DLG2: variants seen among roughly 807,000 people sequenced by gnomAD.
DLG2 encodes discs large MAGUK scaffold protein 2, also known as disks large homolog 2.
Under a neutral mutation model 132.5 loss-of-function variants are expected in DLG2, and 45 were observed. The observed-to-expected ratio is 0.34, with a 90% CI of 0.27 to 0.44. The LOEUF is 0.44. DLG2 is among the 20% of genes least tolerant of loss of function. The pLI, the probability that DLG2 is intolerant of heterozygous loss-of-function variation, is 1.00. For missense variants in DLG2, 1,045 were observed against 1,196.9 expected (o/e 0.87, Z 1.87); for synonymous variants, 424 against 419.6 (o/e 1.01, Z -0.13).
At chr11:84,955,089 A>G (rs749996587) in intron 6 of DLG2, among the ~76,000 whole-genome samples, 13 of 152,220 alleles carry the variant, frequency 8.5e-5, no homozygotes, top group Non-Finnish European at 1.9e-4. Flanking sequence ...ACAAAAACAA[A>G]TGGCAAGCTA....
intron 6 of DLG2, among the ~76,000 whole-genome samples, chr11:84,726,911 G>C (rs1003689850): frequency 1.3e-5 from 2 of 152,200 alleles, no homozygotes; most frequent in East Asian, 1.9e-4. Context: ...CTTTTGAGAA[G>C]TGTCTGCTTA....
chr11:84,371,315 C>A (rs1213953575), intron 7 of DLG2, among the ~76,000 whole-genome samples: 1 of 150,048 alleles, frequency 6.7e-6, no homozygotes, highest in African/African-American at 2.5e-5. Context: ...AACAGTGGCA[C>A]AACCATGGTT....
intron 18 of DLG2, chr11:83,724,943 C>T (rs188864810): frequency 1.0e-4 from 73 of 702,270 alleles, no homozygotes; most frequent in Non-Finnish European, 8.6e-5. Context: ...CCTGGTTGAG[C>T]TGCTTGGTGT....
intron 15 of DLG2, among the ~76,000 whole-genome samples, chr11:83,901,003 A>T (rs2073251387): frequency 6.6e-6 from 1 of 152,208 alleles, no homozygotes; most frequent in Non-Finnish European, 1.5e-5. Flanking sequence ...TGGATGTGAG[A>T]CATGGAGTCA....
intron 9 of DLG2, among the ~76,000 whole-genome samples, chr11:84,129,687 G>A (rs955728945): frequency 2.6e-5 from 4 of 151,296 alleles, no homozygotes; most frequent in Non-Finnish European, 5.9e-5. Context: ...TTTTTACATT[G>A]TATTAGAGAC....
At chr11:85,001,136 G>A (rs1210021214) in intron 6 of DLG2, among the ~76,000 whole-genome samples, 2 of 151,396 alleles carry the variant, frequency 1.3e-5, no homozygotes, top group South Asian at 2.1e-4. Context: ...CTCTGGCACC[G>A]AGACTAGAGG....
intron 3 of DLG2, among the ~76,000 whole-genome samples, chr11:85,515,988 A>T (rs2094161608): frequency 6.6e-6 from 1 of 152,028 alleles, no homozygotes; most frequent in Non-Finnish European, 1.5e-5. Flanking sequence ...AAATTCTGTA[A>T]TTCACAGAGT....
intron 17 of DLG2, among the ~76,000 whole-genome samples, chr11:83,816,695 T>C (rs889369915): frequency 2.0e-5 from 3 of 152,150 alleles, no homozygotes; most frequent in Admixed American, 6.5e-5. Context: ...ATCCCAAACA[T>C]AAGATTATAT....
In DLG2 at chr11:85,408,657, T is replaced by C. The variant is rs573302715; in HGVS notation, c.41-123292A>G. ...TGAGAACATGCGGTGTTTGGTTTTTTGTTCTTGCGATAGTTTACTGAGAAT... is the reference window on the plus strand; with the variant it reads ...TGAGAACATGCGGTGTTTGGTTTTTCGTTCTTGCGATAGTTTACTGAGAAT... On this transcript the variant is annotated intron_variant, in intron 3 of 27. Coordinates refer to ENST00000376104, the MANE Select transcript of DLG2 (RefSeq NM_001142699.3). Among the ~76,000 whole-genome samples the C allele has an allele frequency of 1.8e-3, 266 of 151,120 alleles. 1 individual carries two copies. The highest frequency in any genetic ancestry group is 6.3e-3 in the African/African-American group (258 of 41,188).
intron 11 of DLG2, among the ~76,000 whole-genome samples, chr11:83,988,932 T>C (rs1274017888): frequency 1.4e-5 from 2 of 139,612 alleles, no homozygotes; most frequent in Non-Finnish European, 3.1e-5. Context: ...ATGTTCTGTC[T>C]CCTTGGTGAA....
chr11:83,682,430 G>C (rs2078992063), intron 18 of DLG2: 1 of 985,238 alleles, frequency 1.0e-6, no homozygotes, highest in African/African-American at 1.7e-5. Flanking sequence ...AAATATATCA[G>C]CCTTAGAAGC....
At position 85,115,957 on chromosome 11, in the gene DLG2, G is replaced by A. The variant is rs180855672; in HGVS notation, c.283-4222C>T. 5.3e-5 allele frequency among the ~76,000 whole-genome samples: 8 copies of A among 152,024 alleles called. No individual in the cohort carries two copies. The East Asian group carries it at 9.7e-4, about 18-fold the overall frequency. ...TCCTACCAGGAAGTGGACATGGAAG[G>A]ACCCAGATCTGATCCTGTAAAACAC... is the stretch of plus-strand genomic sequence containing the variant. On this transcript the variant is annotated intron_variant, in intron 5 of 27. Coordinates refer to ENST00000376104, the MANE Select transcript of DLG2 (RefSeq NM_001142699.3).
chr11:84,762,397 C>G (rs2067757104), intron 6 of DLG2, among the ~76,000 whole-genome samples: 1 of 152,166 alleles, frequency 6.6e-6, no homozygotes, highest in African/African-American at 2.4e-5. Flanking sequence ...AATCTGTGTA[C>G]AGTAGTTGTT....
chr11:84,307,371 G>A (rs1301891627), intron 7 of DLG2, among the ~76,000 whole-genome samples: 1 of 152,116 alleles, frequency 6.6e-6, no homozygotes, highest in Admixed American at 6.5e-5. Context: ...AAGAAGGTGA[G>A]GACTGAAAAA....
chr11:84,490,391 T>C (rs1462771064), intron 7 of DLG2, among the ~76,000 whole-genome samples: 1 of 152,126 alleles, frequency 6.6e-6, no homozygotes, highest in Non-Finnish European at 1.5e-5. Context: ...TCCCAGCTTC[T>C]AAATTCCATT....
chr11:84,411,620 G>A (rs2098904513), intron 7 of DLG2, among the ~76,000 whole-genome samples: 1 of 151,858 alleles, frequency 6.6e-6, no homozygotes, highest in Admixed American at 6.6e-5. Flanking sequence ...AGTAAGAGGT[G>A]GATGGTAGTA....
At chr11:85,297,719 GA>G in intron 3 of DLG2, among the ~76,000 whole-genome samples, 1 of 152,076 alleles carries the variant, frequency 6.6e-6, no homozygotes, top group Non-Finnish European at 1.5e-5. Flanking sequence ...GGTGGTGAAG[GA>G]GTTTGGAGAA....
At chr11:84,623,603 A>C (rs1452144129) in intron 6 of DLG2, among the ~76,000 whole-genome samples, 1 of 152,208 alleles carries the variant, frequency 6.6e-6, no homozygotes, top group Non-Finnish European at 1.5e-5. Flanking sequence ...CTCATGGTCT[A>C]AACTCTGTAC....
At chr11:85,420,242 G>C (rs1432110864) in intron 3 of DLG2, among the ~76,000 whole-genome samples, 2 of 152,116 alleles carry the variant, frequency 1.3e-5, no homozygotes, top group East Asian at 1.9e-4. Flanking sequence ...GACCATGTTT[G>C]CCTAGGTATC....
Sources: allele counts gnomAD v4.1 joint callset (sites outside exome capture counted in the v4.1 genomes callset), GRCh38; gene constraint gnomAD v4.1.1; transcripts MANE v1.5; gene names NCBI Gene and HGNC (gene_info 2026-07-23, HGNC 2026-07-21).